SORL1: variants seen among roughly 807,000 people sequenced by gnomAD.
SORL1 encodes sortilin related receptor 1.
A neutral mutation model predicts 273.7 loss-of-function variants in SORL1; 127 were observed. The observed-to-expected ratio is 0.46, with a 90% CI of 0.40 to 0.54. The LOEUF (loss-of-function observed/expected upper bound fraction) is 0.54. SORL1 is among the 20% of genes least tolerant of loss of function. The pLI is 0.00. For missense variants in SORL1, 2,494 were observed against 2,846.1 expected, an observed-to-expected ratio of 0.88 and a Z score of 2.81; for synonymous variants, 1,031 against 1,067.4, an observed-to-expected ratio of 0.97 and a Z score of 0.66.
rs763288824 is a variant in SORL1, at chr11:121,591,155, T to C, written c.4368T>C (p.Leu1456=). 2.5e-6 allele frequency: 4 copies of C among 1,613,996 alleles called. No homozygotes were observed. The highest frequency in any genetic ancestry group is 1.7e-5 in the Admixed American group (1 of 60,020). The change falls in exon 31 of 48, where the codon CTT becomes CTC. Residue 1456 remains leucine, a splice_region_variant and synonymous_variant. Transcript: ENST00000260197. ...DGSDEEACPL[L]ANVTAASTPT... is the part of the protein sequence containing the mutation. ...CTGACGAGGAAGCCTGCCCCTTGCT[T>C]GGTGAGTTCTGGCCCAGGTCCTCTC...
At chr11:121,576,992 A>C in intron 24 of SORL1, 7 of 1,441,880 alleles carry the variant, frequency 4.9e-6, no homozygotes, top group South Asian at 1.2e-5. Flanking sequence ...AAAATAATAT[A>C]TGTGGAGAGC....
chr11:121,595,695 C>T lies in SORL1; in HGVS notation c.4442C>T (p.Pro1481Leu), dbSNP rs544390676. 3.6e-5 allele frequency: 58 copies of T among 1,613,992 alleles called. No homozygotes were observed. Among genetic ancestry groups the T allele is most frequent in the South Asian group, 4.4e-5 (4 of 91,010 alleles). ...CDRFEFECHQ[P>L]KTCIPNWKRC... is the part of the protein sequence containing the mutation. Reference sequence around the variant, plus strand: ...CGATTTGAGTTCGAATGCCACCAACCGAAGACGTGTATTCCCAACTGGAAG... The same window carrying T: ...CGATTTGAGTTCGAATGCCACCAACTGAAGACGTGTATTCCCAACTGGAAG... Residue 1481 changes from proline to leucine, a missense_variant, in exon 32 of 48, where the codon CCG (proline) becomes CTG (leucine). Transcript: ENST00000260197. This position sits in a 1 kb window ranked among gnomAD's most constrained non-coding sequence, Gnocchi z 5.1.
At chr11:121,584,894 A>G (rs1863071642) in intron 26 of SORL1, among the ~76,000 whole-genome samples, 1 of 152,188 alleles carries the variant, frequency 6.6e-6, no homozygotes, top group African/African-American at 2.4e-5. Flanking sequence ...GCGCCTGGCC[A>G]GAACTGATTT....
chr11:121,573,139 T>G (rs1862872369), intron 23 of SORL1, among the ~76,000 whole-genome samples: 1 of 152,232 alleles, frequency 6.6e-6, no homozygotes, highest in African/African-American at 2.4e-5. Context: ...GTATCCATTC[T>G]AATGCCAGAA....
intron 18 of SORL1, 70 bp from the exon 19 acceptor site, chr11:121,557,244 C>T (rs1172357870): frequency 9.1e-7 from 1 of 1,093,134 alleles, no homozygotes; most frequent in African/African-American, 1.5e-5. Context: ...GCTGAGTAGC[C>T]ATCTTTGGCA....
At chr11:121,490,020 A>C (rs1861528411) in intron 4 of SORL1, 23 bp from the exon 5 acceptor site, 1 of 1,600,700 alleles carries the variant, frequency 6.2e-7, no homozygotes, top group African/African-American at 1.3e-5. Context: ...TGCCTCTTGC[A>C]TCATGACCAC....
At chr11:121,601,584 T>G (rs1311098610) in intron 32 of SORL1, among the ~76,000 whole-genome samples, 2 of 14,966 alleles carry the variant, frequency 1.3e-4, no homozygotes, top group African/African-American at 5.2e-4. Context: ...TTAATGATTG[T>G]TTTTTTTTTT....
chr11:121,544,691 A>C (rs748746362), intron 13 of SORL1, among the ~76,000 whole-genome samples: 2 of 152,204 alleles, frequency 1.3e-5, no homozygotes, highest in Non-Finnish European at 2.9e-5. Flanking sequence ...TGCTTGTAGA[A>C]AGCACCCTAC....
At chr11:121,484,190 A>T (rs902118462) in intron 3 of SORL1, among the ~76,000 whole-genome samples, 28 of 152,208 alleles carry the variant, frequency 1.8e-4, no homozygotes, top group African/African-American at 6.0e-4. Context: ...CTTTAGGGAA[A>T]TGTGTCTTCT....
At chr11:121,575,042 A>G (rs1862907021) in intron 24 of SORL1, among the ~76,000 whole-genome samples, 1 of 152,176 alleles carries the variant, frequency 6.6e-6, no homozygotes, top group Non-Finnish European at 1.5e-5. Context: ...TGTTTTCTGA[A>G]TGGACATTTT....
intron 39 of SORL1, 25 bp from the exon 40 acceptor site, chr11:121,612,711 T>C (rs377345646): frequency 2.1e-5 from 33 of 1,581,966 alleles, no homozygotes; most frequent in African/African-American, 6.7e-5. Flanking sequence ...GCTGTTCATC[T>C]AACATGCTTC....
At position 121,590,192 on chromosome 11, in the gene SORL1, C is replaced by T; in HGVS notation, c.4213+18C>T. ...TTGTGGAGGTAAGAGGCCCCTGGGG[C>T]CTGGGTTAGCCCCATAACCAAGACA... On this transcript the variant is annotated intron_variant, in intron 30 of 47. Transcript: ENST00000260197. 1 of 1,612,968 alleles carries T rather than the reference C, an allele frequency of 6.2e-7. No homozygotes were observed. Among genetic ancestry groups the T allele is most frequent in the Non-Finnish European group, 8.5e-7 (1 of 1,179,352 alleles).
chr11:121,557,796 T>C (rs1305507105), intron 19 of SORL1, among the ~76,000 whole-genome samples: 2 of 152,244 alleles, frequency 1.3e-5, no homozygotes, highest in Non-Finnish European at 2.9e-5. Flanking sequence ...GTAGGTTTTC[T>C]TACGTACAAT....
At chr11:121,582,998 C>T (rs11218351) in intron 25 of SORL1, among the ~76,000 whole-genome samples, 12,164 of 152,232 alleles carry the variant, frequency 0.08, 496 homozygotes, top group Middle Eastern at 0.1. Context: ...GGCTGCCGCT[C>T]CTTATTTCTC....
chr11:121,548,885 A>G lies in SORL1; in HGVS notation c.2052-1075A>G, dbSNP rs374864414. Among the ~76,000 whole-genome samples, 19 of 152,296 alleles carry G rather than the reference A, an allele frequency of 1.2e-4. No individual in the cohort carries two copies. The East Asian group carries it at 2.9e-3, about 23-fold the overall frequency. On this transcript the variant is annotated intron_variant, in intron 14 of 47. Transcript: ENST00000260197. ...CCGGACCTAAATATTTGTTGAATTG[A>G]ATAGAGCAAATAAATGTGTTCTGGT...
At chr11:121,599,498 C>T (rs1049973948) in intron 32 of SORL1, among the ~76,000 whole-genome samples, 3 of 152,146 alleles carry the variant, frequency 2.0e-5, no homozygotes, top group Admixed American at 1.3e-4. Context: ...GAGCTGAGAT[C>T]GGGCCATTGC....
At chr11:121,628,245 C>T (rs1005852406) in intron 47 of SORL1, among the ~76,000 whole-genome samples, 1 of 152,164 alleles carries the variant, frequency 6.6e-6, no homozygotes, top group African/African-American at 2.4e-5. Context: ...ACACAGTGGT[C>T]CCCAACCTTT....
At chr11:121,561,987 A>G (rs1039486082) in intron 21 of SORL1, among the ~76,000 whole-genome samples, 10 of 152,124 alleles carry the variant, frequency 6.6e-5, no homozygotes, top group African/African-American at 2.2e-4. Context: ...AGCACTGTCT[A>G]TGAGCACTCC....
At chr11:121,458,642 C>T (rs1860943918) in intron 1 of SORL1, among the ~76,000 whole-genome samples, 1 of 152,178 alleles carries the variant, frequency 6.6e-6, no homozygotes. Context: ...ATCAATTTCC[C>T]TCAATTTAAA....
Sources: gnomAD v4.1 joint callset for allele counts (sites outside exome capture counted in the v4.1 genomes callset) on GRCh38, gnomAD v4.1.1 for gene constraint, Gnocchi (gnomAD v3.1) non-coding constraint, MANE v1.5 for transcripts, NCBI Gene and HGNC (gene_info 2026-07-23, HGNC 2026-07-21) for gene names.